Variants in KALRN observed in about 807,000 individuals in gnomAD.
KALRN encodes the protein kalirin.
In KALRN, 70 loss-of-function variants were observed where a neutral mutation model predicts 353.7. The ratio of observed to expected loss-of-function variants is 0.20; its 90% CI spans 0.16 to 0.24. The LOEUF (loss-of-function observed/expected upper bound fraction) is 0.24, where lower values mean the gene tolerates loss of function less well. KALRN is among the 10% of genes least tolerant of loss of function. KALRN has a pLI of 1.00. For synonymous variants in KALRN, 1,391 were observed against 1,434.8 expected (o/e 0.97, Z 0.69); for missense variants, 2,791 against 3,756.7 (o/e 0.74, Z 6.72).
intron 1 of KALRN, among the ~76,000 whole-genome samples, chr3:124,164,990 T>A (rs959545387): frequency 6.6e-6 from 1 of 152,224 alleles, no homozygotes; most frequent in African/African-American, 2.4e-5. Context: ...CTCTGCAGTA[T>A]CCTTCTGGCT....
intron 26 of KALRN, among the ~76,000 whole-genome samples, chr3:124,476,494 C>A (rs1280089292): frequency 6.6e-6 from 1 of 152,094 alleles, no homozygotes; most frequent in East Asian, 1.9e-4. Context: ...GCTGCTGTCT[C>A]AGAAGAGGAT....
intron 10 of KALRN, among the ~76,000 whole-genome samples, chr3:124,369,845 A>G (rs1252738350): frequency 1.3e-5 from 2 of 149,190 alleles, no homozygotes; most frequent in African/African-American, 2.5e-5. Flanking sequence ...TAGATTCCAC[A>G]TATAAGTGAG....
At chr3:124,566,343 A>T (rs770567159) in intron 34 of KALRN, among the ~76,000 whole-genome samples, 26 of 152,096 alleles carry the variant, frequency 1.7e-4, no homozygotes, top group Non-Finnish European at 2.9e-4. Context: ...TCTACAAAAA[A>T]AATTTAAAAA....
chr3:124,619,529 C>G (rs1447226984), intron 34 of KALRN, among the ~76,000 whole-genome samples: 2 of 138,834 alleles, frequency 1.4e-5, no homozygotes, highest in Admixed American at 1.6e-4. Context: ...CTCTCGTTGC[C>G]CAGGCTGGAG....
chr3:124,694,294 G>A, intron 52 of KALRN, 38 bp from the exon 53 acceptor site: 8 of 1,594,248 alleles, frequency 5.0e-6, no homozygotes, highest in Non-Finnish European at 6.9e-6. Context: ...TTCTAAATTT[G>A]CTCTGAATGA....
intron 27 of KALRN, among the ~76,000 whole-genome samples, chr3:124,481,998 C>T (rs2062038424): frequency 1.3e-5 from 2 of 152,124 alleles, no homozygotes; most frequent in South Asian, 4.2e-4. Context: ...CCCTTAGAAC[C>T]CCTAGACTTT....
At chr3:124,562,818 C>T (rs758617680) in intron 33 of KALRN, 25 bp from the exon 34 acceptor site, 19 of 1,334,744 alleles carry the variant, frequency 1.4e-5, no homozygotes, top group African/African-American at 6.0e-5. Context: ...TCCTGTTCTA[C>T]TCCCTCCACC....
chr3:124,662,193 CTTTT>C (rs10549005), intron 45 of KALRN, among the ~76,000 whole-genome samples: 21 of 96,842 alleles, frequency 2.2e-4, no homozygotes, highest in African/African-American at 7.4e-4. Context: ...ACCCAGAATT[CTTTT>C]TTTTTTTTTT....
intron 4 of KALRN, among the ~76,000 whole-genome samples, chr3:124,265,771 A>G (rs916447404): frequency 5.3e-5 from 8 of 152,176 alleles, no homozygotes; most frequent in Admixed American, 5.2e-4. Flanking sequence ...ATACATACAC[A>G]TATATAGGTT....
intron 33 of KALRN, among the ~76,000 whole-genome samples, chr3:124,561,782 C>G (rs898455093): frequency 6.6e-6 from 1 of 152,194 alleles, no homozygotes; most frequent in Non-Finnish European, 1.5e-5. Context: ...CCAAGCTGGG[C>G]CTCAGCCTCC....
At chr3:124,116,945 T>G (rs1203179333) in intron 1 of KALRN, among the ~76,000 whole-genome samples, 2 of 152,220 alleles carry the variant, frequency 1.3e-5, no homozygotes, top group Non-Finnish European at 2.9e-5. Context: ...GACTGTTCAG[T>G]AACATCTTGG....
chr3:124,619,825 C>T (rs1324962246), intron 34 of KALRN, among the ~76,000 whole-genome samples: 3 of 151,904 alleles, frequency 2.0e-5, no homozygotes, highest in African/African-American at 7.2e-5. Flanking sequence ...AACCTACATA[C>T]TGTTTGCATA....
At chr3:124,044,373 A>G (rs2149097753) in intron 1 of KALRN, among the ~76,000 whole-genome samples, 1 of 152,332 alleles carries the variant, frequency 6.6e-6, no homozygotes, top group South Asian at 2.1e-4. Context: ...CCAGAATCAT[A>G]GAATCTTAGA....
At chr3:124,150,876 C>T (rs2068003740) in intron 1 of KALRN, among the ~76,000 whole-genome samples, 1 of 152,150 alleles carries the variant, frequency 6.6e-6, no homozygotes, top group African/African-American at 2.4e-5. Flanking sequence ...TTGACTAGCT[C>T]CTCCTCTCAA....
chr3:124,686,678 C>G (rs1433286256), intron 51 of KALRN, among the ~76,000 whole-genome samples: 1 of 151,998 alleles, frequency 6.6e-6, no homozygotes, highest in Non-Finnish European at 1.5e-5. Context: ...ATGGAAGGAC[C>G]TGCTAGGAAG....
intron 10 of KALRN, among the ~76,000 whole-genome samples, chr3:124,373,344 C>A (rs887124691): frequency 1.3e-5 from 2 of 152,140 alleles, no homozygotes; most frequent in African/African-American, 4.8e-5. Context: ...ATTATTACAT[C>A]TGGGGAAGAG....
chr3:124,633,412 G>T (rs1561479280), intron 35 of KALRN, among the ~76,000 whole-genome samples: 1 of 152,314 alleles, frequency 6.6e-6, no homozygotes, highest in East Asian at 1.9e-4. Context: ...CACTGATGTG[G>T]CTAAGAAATT....
intron 1 of KALRN, among the ~76,000 whole-genome samples, chr3:124,128,055 T>G (rs1037129776): frequency 1.3e-5 from 2 of 152,198 alleles, no homozygotes; most frequent in Non-Finnish European, 2.9e-5. Flanking sequence ...AGTTACTCAG[T>G]TTTTGCCTTT....
intron 11 of KALRN, among the ~76,000 whole-genome samples, chr3:124,386,376 G>A (rs1232071039): frequency 6.6e-6 from 1 of 152,274 alleles, no homozygotes; most frequent in Admixed American, 6.5e-5. Flanking sequence ...ATGAACAGGA[G>A]TCATGTTCCT....
Sources: allele counts gnomAD v4.1 joint callset (sites outside exome capture counted in the v4.1 genomes callset), GRCh38; gene constraint gnomAD v4.1.1; transcripts MANE v1.5; gene names NCBI Gene and HGNC (gene_info 2026-07-23, HGNC 2026-07-21).